The following MTUS2 variants were observed in gnomAD, a reference collection of about 807,000 sequenced individuals.
MTUS2 encodes the protein microtubule associated scaffold protein 2.
A neutral mutation model predicts 114.1 loss-of-function variants in MTUS2; 40 were observed. That is an observed-to-expected ratio of 0.35 (90% CI 0.27 to 0.46). The LOEUF is 0.46. Among genes scored for constraint, MTUS2 ranks in the 20% least tolerant of loss-of-function variants. The pLI is 1.00. For missense variants in MTUS2, 1,679 were observed against 1,705.4 expected, an observed-to-expected ratio of 0.98 and a Z score of 0.27; for synonymous variants, 688 against 672.0, an observed-to-expected ratio of 1.02 and a Z score of -0.37.
At chr13:29,326,394 G>C (rs1214938574) in intron 7 of MTUS2, among the ~76,000 whole-genome samples, 2 of 152,148 alleles carry the variant, frequency 1.3e-5, no homozygotes, top group African/African-American at 2.4e-5. Flanking sequence ...TTATATTCTA[G>C]AGAAAGAGTA....
intron 5 of MTUS2, among the ~76,000 whole-genome samples, chr13:29,160,886 T>C (rs1185307753): frequency 6.6e-6 from 1 of 152,208 alleles, no homozygotes; most frequent in Non-Finnish European, 1.5e-5. Context: ...TGATGAATCT[T>C]CATTGATTGA....
intron 4 of MTUS2, among the ~76,000 whole-genome samples, chr13:29,046,117 ATTTT>A: frequency 6.9e-6 from 1 of 144,774 alleles, no homozygotes; most frequent in South Asian, 2.2e-4. Context: ...GTTAGTAAGT[ATTTT>A]TTTTTTTTTT....
At chr13:29,132,579 G>C (rs1891812936) in intron 5 of MTUS2, among the ~76,000 whole-genome samples, 1 of 152,138 alleles carries the variant, frequency 6.6e-6, no homozygotes, top group Admixed American at 6.5e-5. Flanking sequence ...GACCACTCTA[G>C]ATACCTCATA....
intron 2 of MTUS2, among the ~76,000 whole-genome samples, chr13:28,981,981 G>C (rs1284749984): frequency 6.6e-6 from 1 of 152,136 alleles, no homozygotes; most frequent in East Asian, 1.9e-4. Context: ...AATGCCCTAG[G>C]GATTCGCCCT....
chr13:29,013,768 A>G (rs761533432), intron 2 of MTUS2, among the ~76,000 whole-genome samples: 6 of 120,886 alleles, frequency 5.0e-5, no homozygotes, highest in African/African-American at 8.4e-5. Flanking sequence ...TTGTTAAACT[A>G]TCCACACACA....
chr13:28,833,070 G>A (rs1874815863), intron 1 of MTUS2, among the ~76,000 whole-genome samples: 1 of 152,132 alleles, frequency 6.6e-6, no homozygotes, highest in African/African-American at 2.4e-5. Flanking sequence ...GATTGAATTA[G>A]TAATCAAATA....
At chr13:28,945,755 C>T (rs1882492036) in intron 2 of MTUS2, among the ~76,000 whole-genome samples, 1 of 152,118 alleles carries the variant, frequency 6.6e-6, no homozygotes, top group South Asian at 2.1e-4. Context: ...AATATTTTTA[C>T]TTACTCCATA....
intron 3 of MTUS2, among the ~76,000 whole-genome samples, chr13:29,032,166 G>A (rs573443796): frequency 6.6e-6 from 1 of 152,212 alleles, no homozygotes; most frequent in Admixed American, 6.5e-5. Context: ...AAAATGCACA[G>A]ACTAGACATC....
chr13:28,883,006 A>G (rs1391964934), intron 2 of MTUS2, among the ~76,000 whole-genome samples: 3 of 152,234 alleles, frequency 2.0e-5, no homozygotes, highest in African/African-American at 7.2e-5. Context: ...CTTTACAGAC[A>G]TTTCAGTGAG....
intron 9 of MTUS2, among the ~76,000 whole-genome samples, chr13:29,448,839 C>T (rs1336704211): frequency 1.3e-5 from 2 of 149,240 alleles, no homozygotes; most frequent in Non-Finnish European, 3.0e-5. Context: ...CTGCCACCTC[C>T]GTCTCCCGAG....
At chr13:29,141,051 G>A (rs1295755665) in intron 5 of MTUS2, among the ~76,000 whole-genome samples, 1 of 152,170 alleles carries the variant, frequency 6.6e-6, no homozygotes, top group Non-Finnish European at 1.5e-5. Context: ...TTTGTCATTA[G>A]CATAAAATAT....
intron 15 of MTUS2, among the ~76,000 whole-genome samples, 171 bp downstream of exon 15, chr13:29,501,365 G>C (rs1412724781): frequency 6.6e-6 from 1 of 152,142 alleles, no homozygotes; most frequent in Non-Finnish European, 1.5e-5. Context: ...GCCTATTCCT[G>C]GCCACATATC....
At chr13:29,051,469 G>A (rs1443881047) in intron 4 of MTUS2, among the ~76,000 whole-genome samples, 1 of 152,140 alleles carries the variant, frequency 6.6e-6, no homozygotes, top group African/African-American at 2.4e-5. Flanking sequence ...GGTCAGGGCT[G>A]GAGATTGAAA....
rs887470700 is a variant in MTUS2, at chr13:29,270,020, A to G, written c.2645-11684A>G. On this transcript the variant is annotated intron_variant, in intron 5 of 15. Transcript: ENST00000612955. Reference sequence around the variant, plus strand: ...CTAAAAAGGTCAAACTCATAGAAGCAGAGAGTGGAATGGTGGTTGCCAGGG... The same window carrying G: ...CTAAAAAGGTCAAACTCATAGAAGCGGAGAGTGGAATGGTGGTTGCCAGGG... Among the ~76,000 whole-genome samples the G allele has an allele frequency of 2.0e-5, 3 of 152,222 alleles. No individual in the cohort carries two copies. In the East Asian group the frequency reaches 5.8e-4, roughly 30 times the overall value.
At chr13:29,098,449 C>G (rs1468938884) in intron 4 of MTUS2, among the ~76,000 whole-genome samples, 3 of 662 alleles carry the variant, frequency 4.5e-3, no homozygotes, top group African/African-American at 6.1e-3. Context: ...GTCATCTAAA[C>G]ACACACACAC....
At chr13:29,323,675 A>G (rs1900354650) in intron 6 of MTUS2, among the ~76,000 whole-genome samples, 1 of 152,242 alleles carries the variant, frequency 6.6e-6, no homozygotes, top group South Asian at 2.1e-4. Flanking sequence ...GTATTTGTAT[A>G]TGTGTGTATA....
intron 8 of MTUS2, among the ~76,000 whole-genome samples, chr13:29,432,971 C>G (rs1388822368): frequency 6.6e-6 from 1 of 152,140 alleles, no homozygotes; most frequent in Admixed American, 6.5e-5. Flanking sequence ...AAGATAGAAT[C>G]CAGAAGGATC....
chr13:28,996,380 C>T (rs1885104711), intron 2 of MTUS2, among the ~76,000 whole-genome samples: 2 of 152,118 alleles, frequency 1.3e-5, no homozygotes, highest in South Asian at 2.1e-4. Flanking sequence ...GTGTCTCTGC[C>T]AGGCTTTGGT....
chr13:28,903,379 C>G (rs1879766278), intron 2 of MTUS2, among the ~76,000 whole-genome samples: 1 of 150,770 alleles, frequency 6.6e-6, no homozygotes, highest in African/African-American at 2.4e-5. Context: ...CATCATTTAG[C>G]ATTAGGTATA....
Sources: allele counts gnomAD v4.1 joint callset (sites outside exome capture counted in the v4.1 genomes callset), GRCh38; gene constraint gnomAD v4.1.1; transcripts MANE v1.5; gene names NCBI Gene and HGNC (gene_info 2026-07-23, HGNC 2026-07-21).